ADRA1A: variants seen among roughly 807,000 people sequenced by gnomAD.
The protein encoded by ADRA1A is adrenoceptor alpha 1A.
ADRA1A carries 31 observed loss-of-function variants against 29.6 expected under a neutral mutation model. The ratio of observed to expected loss-of-function variants is 1.05; its 90% confidence interval spans 0.79 to 1.41. The LOEUF (loss-of-function observed/expected upper bound fraction) is 1.41, where lower values mean the gene tolerates loss of function less well. Ranked by LOEUF, ADRA1A falls within the 40% of genes most tolerant of loss-of-function variation. The pLI is 0.00. For missense variants in ADRA1A, 619 were observed against 601.1 expected, an observed-to-expected ratio of 1.03 and a Z score of -0.31; for synonymous variants, 311 against 254.3, an observed-to-expected ratio of 1.22 and a Z score of -2.12.
intron 2 of ADRA1A, among the ~76,000 whole-genome samples, chr8:26,804,096 A>AT (rs1028378146): frequency 6.6e-6 from 1 of 151,522 alleles, no homozygotes; most frequent in African/African-American, 2.4e-5. Context: ...TAATTTTTAA[A>AT]TTTTTTTTAG....
At chr8:26,808,355 A>T (rs923873317) in intron 2 of ADRA1A, among the ~76,000 whole-genome samples, 3 of 152,178 alleles carry the variant, frequency 2.0e-5, no homozygotes, top group African/African-American at 4.8e-5. Flanking sequence ...TGTATTTAGC[A>T]TAGTTTATTC....
chr8:26,850,051 A>ACAAAAAACAAAAAAC (rs1300641583), intron 2 of ADRA1A, among the ~76,000 whole-genome samples: 2 of 151,430 alleles, frequency 1.3e-5, no homozygotes, highest in African/African-American at 4.8e-5. Flanking sequence ...AAAACAAAAA[A>ACAAAAAACAAAAAAC]AAAACAGGGC....
At chr8:26,833,971 A>G (rs2130662426) in intron 2 of ADRA1A, among the ~76,000 whole-genome samples, 1 of 152,352 alleles carries the variant, frequency 6.6e-6, no homozygotes, top group East Asian at 1.9e-4. Flanking sequence ...GTTAGTAAAC[A>G]TTGATAATTT....
intron 2 of ADRA1A, among the ~76,000 whole-genome samples, chr8:26,826,508 T>C (rs892117696): frequency 6.6e-6 from 1 of 152,236 alleles, no homozygotes; most frequent in African/African-American, 2.4e-5. Flanking sequence ...ATAAATATAT[T>C]TTTTTGGCCA....
Position 26,848,544 on chromosome 8 carries a change from A to G in ADRA1A, c.883+15543T>C, listed in dbSNP as rs917794531. Among the ~76,000 whole-genome samples, 7 of 152,038 alleles carry G rather than the reference A, an allele frequency of 4.6e-5. No individual in the cohort carries two copies. The highest frequency in any genetic ancestry group is 1.0e-4 in the Non-Finnish European group (7 of 68,002). The stretch of plus-strand genomic sequence containing the variant: ...TCACCAAGAGCCTGACAATGCTAGA[A>G]CCCTGATCTCAGACTTCCAGCCTCC... On this transcript the variant is annotated intron_variant, in intron 2 of 2. Transcript: ENST00000380573. This position sits in a 1 kb window ranked among gnomAD's most constrained non-coding sequence, Gnocchi z 4.3.
rs1475263580 is a variant in ADRA1A, at chr8:26,775,908, G to A, written c.884-5242C>T. Among the ~76,000 whole-genome samples the A allele has an allele frequency of 3.3e-5, 5 of 152,116 alleles. No homozygotes were observed. Among genetic ancestry groups the A allele is most frequent in the African/African-American group, 7.2e-5 (3 of 41,426 alleles). On this transcript the variant is annotated intron_variant, in intron 2 of 2. Coordinates refer to ENST00000380573, the MANE Select transcript of ADRA1A (RefSeq NM_000680.4). The surrounding 1 kb of genome is among the most constrained non-coding windows in gnomAD (Gnocchi z 4.1). ...CTAGATGCCAAGAAGAAATTGAAAC[G>A]AATAATTTAAAATGTTGCCTCTATG... is the stretch of plus-strand genomic sequence containing the variant.
At chr8:26,814,489 T>C (rs796239638) in intron 2 of ADRA1A, among the ~76,000 whole-genome samples, 3 of 152,364 alleles carry the variant, frequency 2.0e-5, no homozygotes, top group African/African-American at 7.2e-5. Context: ...CTTAAACTCC[T>C]GGCCTCAAGG....
chr8:26,781,328 C>T (rs2130356144), intron 2 of ADRA1A, among the ~76,000 whole-genome samples: 1 of 152,334 alleles, frequency 6.6e-6, no homozygotes, highest in African/African-American at 2.4e-5. Flanking sequence ...ATTCAATCCT[C>T]CTGGTTTTAG....
chr8:26,857,987 G>A (rs1250029827), intron 2 of ADRA1A, among the ~76,000 whole-genome samples: 1 of 152,192 alleles, frequency 6.6e-6, no homozygotes, highest in African/African-American at 2.4e-5. Flanking sequence ...AACAGTATAT[G>A]TTCAATGAAA....
At chr8:26,783,073 G>T (rs1381173861) in intron 2 of ADRA1A, among the ~76,000 whole-genome samples, 1 of 152,146 alleles carries the variant, frequency 6.6e-6, no homozygotes, top group African/African-American at 2.4e-5. Context: ...TGGGCTTCCT[G>T]CTTCTGGTCT....
In ADRA1A at chr8:26,815,128, T is replaced by A. The variant is rs1809668822; in HGVS notation, c.884-44462A>T. Among the ~76,000 whole-genome samples the A allele has an allele frequency of 6.6e-6, 1 of 152,228 alleles. No homozygotes were observed. The highest frequency in any genetic ancestry group is 2.1e-4 in the South Asian group (1 of 4,834). On this transcript the variant is annotated intron_variant, in intron 2 of 2. Coordinates refer to ENST00000380573, the MANE Select transcript of ADRA1A (RefSeq NM_000680.4). This position sits in a 1 kb window ranked among gnomAD's most constrained non-coding sequence, Gnocchi z 4.2. ...TAATTTAGACGCATGGGCCAAAGTA[T>A]CAAAAATTTCCACTACCAAATCCTC...
intron 2 of ADRA1A, chr8:26,757,051 A>C: frequency 1.4e-6 from 1 of 704,312 alleles, no homozygotes; most frequent in South Asian, 1.5e-5. Flanking sequence ...AAAGAACTGA[A>C]TACTCTTCTT....
rs188561397 is a variant in ADRA1A at position 26,848,008 on chromosome 8, G to A, written c.883+16079C>T. Among the ~76,000 whole-genome samples, 3 of 152,288 alleles carry A rather than the reference G, an allele frequency of 2.0e-5. No homozygotes were observed. Among genetic ancestry groups the A allele is most frequent in the East Asian group, 1.9e-4 (1 of 5,174 alleles). ...AAGCTGAGAAGTTTGAAAGCCACTG[G>A]CTCAACCCAAGCCCCTCTCCTACAG... On this transcript the variant is annotated intron_variant, in intron 2 of 2. Coordinates refer to ENST00000380573, the MANE Select transcript of ADRA1A (RefSeq NM_000680.4). The surrounding 1 kb of genome is among the most constrained non-coding windows in gnomAD (Gnocchi z 4.3).
chr8:26,865,103 G>A lies in ADRA1A; in HGVS notation c.-134C>T, dbSNP rs1262435010. 1.2e-5 allele frequency: 18 copies of A among 1,490,722 alleles called. No homozygotes were observed. Among genetic ancestry groups the A allele is most frequent in the Non-Finnish European group, 1.4e-5 (16 of 1,130,766 alleles). 92.3% of individuals were successfully genotyped at this position (1,490,722 alleles called of 1,614,324 possible). ...CCCTGCCAGGTGGGTTTGGCTGGGG[G>A]TGAGAGCGCGCGCGCGGGTGGGAAA... is the stretch of plus-strand genomic sequence containing the variant. On this transcript the variant is annotated 5_prime_UTR_variant, in exon 2 of 3. Transcript: ENST00000380573. The surrounding 1 kb of genome is among the most constrained non-coding windows in gnomAD (Gnocchi z 7.6).
chr8:26,789,166 A>T (rs201662125), intron 2 of ADRA1A, among the ~76,000 whole-genome samples: 1 of 152,034 alleles, frequency 6.6e-6, no homozygotes. Flanking sequence ...AAAAGGGTAA[A>T]ATTCATATGG....
chr8:26,794,731 G>C (rs1808075830), intron 2 of ADRA1A, among the ~76,000 whole-genome samples: 1 of 152,090 alleles, frequency 6.6e-6, no homozygotes, highest in African/African-American at 2.4e-5. Flanking sequence ...ATGAGCTCTA[G>C]TTAGCTAACA....
chr8:26,844,626 G>T (rs1197467813), intron 2 of ADRA1A, among the ~76,000 whole-genome samples: 1 of 152,094 alleles, frequency 6.6e-6, no homozygotes, highest in Non-Finnish European at 1.5e-5. Context: ...CCACTCAGTG[G>T]GAGAAAGAAT....
rs955219862 is a variant in ADRA1A, at chr8:26,865,849, G to A, written c.-686-194C>T. On this transcript the variant is annotated intron_variant, in intron 1 of 2. Coordinates refer to ENST00000380573, the MANE Select transcript of ADRA1A (RefSeq NM_000680.4). This position sits in a 1 kb window ranked among gnomAD's most constrained non-coding sequence, Gnocchi z 7.6. Reference sequence around the variant, plus strand: ...CCCCACCACTGGGAACCTGCCTAGCGCACTCTACTGAGTCACCTCTGCCCG... The same window carrying A: ...CCCCACCACTGGGAACCTGCCTAGCACACTCTACTGAGTCACCTCTGCCCG... 1 of 271,326 alleles carries A rather than the reference G, an allele frequency of 3.7e-6. No individual in the cohort carries two copies. The highest frequency in any genetic ancestry group is 5.6e-6 in the Non-Finnish European group (1 of 177,206). 16.8% of individuals were successfully genotyped at this position (271,326 alleles called of 1,614,324 possible). A position where few individuals can be genotyped will look rare whatever the true frequency, so the allele number is the denominator to read the frequency against.
At chr8:26,809,395 ACTTC>A (rs1360863901) in intron 2 of ADRA1A, among the ~76,000 whole-genome samples, 1 of 152,076 alleles carries the variant, frequency 6.6e-6, no homozygotes, top group East Asian at 1.9e-4. Context: ...AAAGAAAGCA[ACTTC>A]CTCAGTAGAG....
Sources: allele counts gnomAD v4.1 joint callset (sites outside exome capture counted in the v4.1 genomes callset), GRCh38; gene constraint gnomAD v4.1.1; non-coding constraint Gnocchi (gnomAD v3.1); transcripts MANE v1.5; gene names NCBI Gene and HGNC (gene_info 2026-07-23, HGNC 2026-07-21).